The following MTUS2 variants were observed in gnomAD, a reference collection of about 807,000 sequenced individuals.
MTUS2 encodes the protein microtubule-associated tumor suppressor candidate 2.
Under a neutral mutation model 114.1 loss-of-function variants are expected in MTUS2, and 40 were observed. That is an observed-to-expected ratio of 0.35 (90% CI 0.27 to 0.46). MTUS2 has a LOEUF of 0.46. MTUS2 is among the 20% of genes least tolerant of loss of function. The probability of loss-of-function intolerance (pLI) is 1.00; values close to 1 mark genes in which losing one functional copy is unlikely to be tolerated. For missense variants in MTUS2, 1,679 were observed against 1,705.4 expected (o/e 0.98, Z 0.27); for synonymous variants, 688 against 672.0 (o/e 1.02, Z -0.37).
At chr13:29,497,214 G>A in intron 12 of MTUS2, 24 bp from the exon 13 acceptor site, 1 of 1,606,874 alleles carries the variant, frequency 6.2e-7, no homozygotes, top group Non-Finnish European at 8.5e-7. Flanking sequence ...GCCCCAGCTG[G>A]ACTCCTTGTA....
intron 5 of MTUS2, among the ~76,000 whole-genome samples, chr13:29,268,429 G>A (rs1293653620): frequency 1.3e-5 from 2 of 152,156 alleles, no homozygotes; most frequent in Non-Finnish European, 2.9e-5. Context: ...GTGTGTGAAA[G>A]TCGAGTCTTC....
chr13:29,235,288 T>TC (rs1896494112), intron 5 of MTUS2, among the ~76,000 whole-genome samples: 1 of 152,104 alleles, frequency 6.6e-6, no homozygotes, highest in Non-Finnish European at 1.5e-5. Context: ...AGATGGGGTT[T>TC]CTCCATGTTG....
intron 7 of MTUS2, chr13:29,339,693 TC>T: frequency 5.4e-6 from 1 of 184,370 alleles, no homozygotes; most frequent in Non-Finnish European, 1.1e-5. Flanking sequence ...GGAAAGTGCC[TC>T]CAGGCCTCAG....
intron 5 of MTUS2, among the ~76,000 whole-genome samples, chr13:29,150,849 T>C (rs1259874617): frequency 6.6e-6 from 1 of 151,956 alleles, no homozygotes; most frequent in Non-Finnish European, 1.5e-5. Flanking sequence ...GTTGGTTGTA[T>C]TAATAGGTGT....
intron 5 of MTUS2, among the ~76,000 whole-genome samples, chr13:29,215,100 T>A (rs984480911): frequency 6.6e-6 from 1 of 151,956 alleles, no homozygotes; most frequent in African/African-American, 2.4e-5. Context: ...CATGCTTCAT[T>A]TCATTAAGTT....
At chr13:29,364,727 G>A (rs989086908) in intron 8 of MTUS2, among the ~76,000 whole-genome samples, 1 of 152,202 alleles carries the variant, frequency 6.6e-6, no homozygotes, top group Non-Finnish European at 1.5e-5. Flanking sequence ...ACCAGCCAAA[G>A]GACTTCACAT....
intron 5 of MTUS2, among the ~76,000 whole-genome samples, chr13:29,170,436 C>T (rs1296168051): frequency 6.6e-6 from 1 of 152,152 alleles, no homozygotes; most frequent in Non-Finnish European, 1.5e-5. Context: ...TAGTAACAGG[C>T]CACTTTTTAT....
At chr13:29,333,355 G>T (rs1021500693) in intron 7 of MTUS2, among the ~76,000 whole-genome samples, 2 of 152,058 alleles carry the variant, frequency 1.3e-5, no homozygotes, top group African/African-American at 4.8e-5. Flanking sequence ...GCACCACCAT[G>T]CCCGGTTAAT....
intron 8 of MTUS2, among the ~76,000 whole-genome samples, chr13:29,367,953 T>C (rs1162769451): frequency 6.6e-6 from 1 of 151,008 alleles, no homozygotes; most frequent in Non-Finnish European, 1.5e-5. Flanking sequence ...TTTTTTTTTT[T>C]TTTGAGATGG....
At chr13:29,407,651 G>GT (rs978376101) in intron 8 of MTUS2, among the ~76,000 whole-genome samples, 8 of 151,646 alleles carry the variant, frequency 5.3e-5, no homozygotes, top group African/African-American at 1.7e-4. Context: ...CTAACTTTTT[G>GT]TTTTTTTAGT....
At chr13:29,122,381 A>G (rs1891345459) in intron 5 of MTUS2, among the ~76,000 whole-genome samples, 1 of 152,246 alleles carries the variant, frequency 6.6e-6, no homozygotes, top group African/African-American at 2.4e-5. Flanking sequence ...ACTTACAATT[A>G]TAGCGGAAGG....
chr13:29,423,865 T>G (rs1465780568), intron 8 of MTUS2, among the ~76,000 whole-genome samples: 1 of 145,328 alleles, frequency 6.9e-6, no homozygotes. Context: ...TAACAGTAAT[T>G]TTTTTTTTTT....
chr13:29,409,772 G>T (rs1048375570), intron 8 of MTUS2, among the ~76,000 whole-genome samples: 1 of 149,442 alleles, frequency 6.7e-6, no homozygotes, highest in East Asian at 2.0e-4. Flanking sequence ...TGCCAGATAA[G>T]TTCATGGACA....
intron 8 of MTUS2, among the ~76,000 whole-genome samples, chr13:29,416,157 G>C (rs1875648477): frequency 7.1e-6 from 1 of 139,996 alleles, no homozygotes; most frequent in Non-Finnish European, 1.5e-5. Flanking sequence ...TTGAACTCTT[G>C]ACCTCAGGTG....
At chr13:29,199,030 C>G (rs193028257) in intron 5 of MTUS2, among the ~76,000 whole-genome samples, 11 of 152,284 alleles carry the variant, frequency 7.2e-5, no homozygotes, top group Middle Eastern at 3.4e-3. Context: ...TTGACTTCCT[C>G]TCTTCCTGTT....
At chr13:29,196,467 AC>A (rs1894706611) in intron 5 of MTUS2, among the ~76,000 whole-genome samples, 2 of 152,130 alleles carry the variant, frequency 1.3e-5, no homozygotes, top group Admixed American at 1.3e-4. Context: ...AATGCACATA[AC>A]ATCAAATTTA....
At chr13:29,281,212 G>A (rs1008206957) in intron 5 of MTUS2, among the ~76,000 whole-genome samples, 1 of 152,128 alleles carries the variant, frequency 6.6e-6, no homozygotes, top group African/African-American at 2.4e-5. Context: ...TGAAATGAGC[G>A]AGATTTCAGG....
intron 2 of MTUS2, among the ~76,000 whole-genome samples, chr13:28,954,917 T>C (rs1245822103): frequency 6.6e-6 from 1 of 152,160 alleles, no homozygotes; most frequent in Non-Finnish European, 1.5e-5. Flanking sequence ...TTATTTGGCC[T>C]GTGCTCTGTT....
At chr13:29,159,254 A>G (rs944504352) in intron 5 of MTUS2, among the ~76,000 whole-genome samples, 16 of 152,240 alleles carry the variant, frequency 1.1e-4, no homozygotes, top group Non-Finnish European at 2.9e-5. Flanking sequence ...GACACGTACT[A>G]AAATTAATAG....
Sources: allele counts gnomAD v4.1 joint callset (sites outside exome capture counted in the v4.1 genomes callset), GRCh38; gene constraint gnomAD v4.1.1; transcripts MANE v1.5; gene names NCBI Gene and HGNC (gene_info 2026-07-23, HGNC 2026-07-21).